Variants in GLRA2 observed in about 807,000 individuals in gnomAD.
GLRA2 encodes glycine receptor alpha 2.
In GLRA2, 11 loss-of-function variants were observed where a neutral mutation model predicts 31.6. The ratio of observed to expected loss-of-function variants is 0.35; its 90% CI spans 0.22 to 0.58. GLRA2 has a LOEUF of 0.58. Ranked by LOEUF, GLRA2 falls within the 20% of genes least tolerant of loss-of-function variation. The pLI, the probability that GLRA2 is intolerant of heterozygous loss-of-function variation, is 0.84. For missense variants in GLRA2, 212 were observed against 351.8 expected, an observed-to-expected ratio of 0.60 and a Z score of 3.18; for synonymous variants, 132 against 134.0, an observed-to-expected ratio of 0.99 and a Z score of 0.10.
intron 7 of GLRA2, among the ~76,000 whole-genome samples, chrX:14,623,845 A>G (rs1164848829): frequency 8.9e-6 from 1 of 111,818 alleles, no homozygotes; most frequent in Non-Finnish European, 1.9e-5. Context: ...CTTTGGTATC[A>G]GGATGATGCT....
chrX:14,571,975 A>G (rs1281803497), intron 2 of GLRA2, among the ~76,000 whole-genome samples: 2 of 111,892 alleles, frequency 1.8e-5, no homozygotes, highest in Non-Finnish European at 3.8e-5. Context: ...CTGTGATGGG[A>G]CTTCAAGCAA....
the GLRA2 span, among the ~76,000 whole-genome samples, chrX:14,470,858 A>G: frequency 8.9e-6 from 1 of 112,219 alleles, no homozygotes; most frequent in Non-Finnish European, 1.9e-5. Context: ...AGGACAAATC[A>G]CAGGTTTTTG....
intron 8 of GLRA2, among the ~76,000 whole-genome samples, chrX:14,719,805 C>A (rs1384942994): frequency 1.8e-5 from 2 of 111,968 alleles, no homozygotes; most frequent in African/African-American, 6.5e-5. Flanking sequence ...CATACATATC[C>A]ATCAACAGAT....
At position 14,530,015 on chromosome X, in the gene GLRA2, G is replaced by C; in HGVS notation, c.-43G>C. ...GACACTTTGTCCTAGCATCTTTCTG[G>C]AATCATTTCGGGATATTTTCCACAA... On this transcript the variant is annotated 5_prime_UTR_variant, in exon 1 of 9. Transcript: ENST00000218075. 1.0e-6 allele frequency: 1 copy of C among 1,001,658 alleles called. No homozygotes were observed. Among genetic ancestry groups the C allele is most frequent in the East Asian group, 3.0e-5 (1 of 32,908 alleles). The allele number at this position is 1,001,658 out of a possible 1,213,427, so 82.5% of individuals were successfully genotyped here.
chrX:14,677,661 G>A (rs1332282197), intron 7 of GLRA2, among the ~76,000 whole-genome samples: 1 of 111,788 alleles, frequency 8.9e-6, no homozygotes, highest in African/African-American at 3.3e-5. Context: ...TAACATTTGG[G>A]ACTGGGTAAT....
intron 7 of GLRA2, among the ~76,000 whole-genome samples, chrX:14,677,432 A>G (rs1489919453): frequency 2.7e-5 from 3 of 111,891 alleles, no homozygotes; most frequent in African/African-American, 9.7e-5. Flanking sequence ...GCATGAAGCG[A>G]AGACTAAACT....
Position 14,529,603 on chromosome X carries a change from C to G in GLRA2, c.-455C>G. On this transcript the variant is annotated 5_prime_UTR_variant, in exon 1 of 9. Transcript: ENST00000218075. ...TTTTTCCCTCTTCCCCCCACCCACT[C>G]CAGCGCGCAGAGTCCTTTCTTCTCT... 1 of 138,841 alleles carries G rather than the reference C, an allele frequency of 7.2e-6. No individual in the cohort carries two copies. Among genetic ancestry groups the G allele is most frequent in the South Asian group, 1.9e-4 (1 of 5,299 alleles). The allele number at this position is 138,841 out of a possible 1,213,427, so 11.4% of individuals were successfully genotyped here.
At chrX:14,478,142 T>A in the GLRA2 span, among the ~76,000 whole-genome samples, 2 of 110,901 alleles carry the variant, frequency 1.8e-5, no homozygotes, top group East Asian at 5.7e-4. Flanking sequence ...TCAAGAAGAC[T>A]TATAGAGGGA....
intron 7 of GLRA2, among the ~76,000 whole-genome samples, chrX:14,686,882 C>T (rs925746952): frequency 2.5e-4 from 28 of 111,834 alleles, no homozygotes; most frequent in Admixed American, 4.7e-4. Flanking sequence ...TTATTTTGCT[C>T]GTTAGTTGAT....
At chrX:14,688,184 G>A (rs774241709) in intron 7 of GLRA2, among the ~76,000 whole-genome samples, 5 of 110,970 alleles carry the variant, frequency 4.5e-5, no homozygotes, top group East Asian at 2.9e-4. Context: ...AGGGGTACCC[G>A]GCCATGTGAG....
intron 7 of GLRA2, among the ~76,000 whole-genome samples, chrX:14,681,915 A>ATATATATATATATATATATATATG (rs1569521066): frequency 2.4e-5 from 2 of 81,751 alleles, no homozygotes; most frequent in Non-Finnish European, 4.8e-5. Flanking sequence ...AAAAAAATAT[A>ATATATATATATATATATATATATG]TATATATATA....
intron 8 of GLRA2, among the ~76,000 whole-genome samples, chrX:14,694,664 A>T (rs1295907511): frequency 8.9e-6 from 1 of 112,239 alleles, no homozygotes; most frequent in African/African-American, 3.2e-5. Flanking sequence ...GGTTAGGTTC[A>T]GGATTCTTTC....
chrX:14,678,256 T>C (rs1257926181), intron 7 of GLRA2, among the ~76,000 whole-genome samples: 1 of 112,575 alleles, frequency 8.9e-6, no homozygotes, highest in Non-Finnish European at 1.9e-5. Flanking sequence ...GTGCGAGGCC[T>C]TGAATACCAG....
chrX:14,466,063 T>C, the GLRA2 span, among the ~76,000 whole-genome samples: 2 of 112,037 alleles, frequency 1.8e-5, no homozygotes, highest in African/African-American at 6.5e-5. Flanking sequence ...TATTCTATGC[T>C]AGACAACCTA....
At chrX:14,454,223 C>T in the GLRA2 span, among the ~76,000 whole-genome samples, 4 of 106,738 alleles carry the variant, frequency 3.7e-5, no homozygotes, top group Non-Finnish European at 5.8e-5. Flanking sequence ...CACACACACG[C>T]ACACATACAT....
chrX:14,467,805 T>C, the GLRA2 span, among the ~76,000 whole-genome samples: 7 of 109,430 alleles, frequency 6.4e-5, no homozygotes, highest in South Asian at 2.7e-3. Context: ...CCTCCTGAAG[T>C]GTGATATAAA....
upstream of GLRA2, among the ~76,000 whole-genome samples, chrX:14,524,573 T>G (rs1569483478): frequency 8.9e-6 from 1 of 112,132 alleles, no homozygotes; most frequent in Non-Finnish European, 1.9e-5. Flanking sequence ...CTTCTTCATA[T>G]TTTCAAGTGG....
the GLRA2 span, among the ~76,000 whole-genome samples, chrX:14,506,425 T>A: frequency 2.7e-5 from 3 of 111,345 alleles, no homozygotes; most frequent in Non-Finnish European, 5.7e-5. Flanking sequence ...ACCCTGCATT[T>A]GGACTCCCTT....
intron 7 of GLRA2, among the ~76,000 whole-genome samples, chrX:14,669,675 C>A (rs745498867): frequency 8.9e-6 from 1 of 112,004 alleles, no homozygotes; most frequent in Non-Finnish European, 1.9e-5. Context: ...TCAGCCACAG[C>A]TGGAATGGCT....
Sources: gnomAD v4.1 joint callset for allele counts (sites outside exome capture counted in the v4.1 genomes callset) on GRCh38, gnomAD v4.1.1 for gene constraint, MANE v1.5 for transcripts, NCBI Gene and HGNC (gene_info 2026-07-23, HGNC 2026-07-21) for gene names.